RET: variants seen among roughly 807,000 people sequenced by gnomAD.
RET encodes the protein ret proto-oncogene.
In RET, 19 loss-of-function variants were observed where a neutral mutation model predicts 118.3. The observed-to-expected ratio is 0.16, with a 90% CI of 0.11 to 0.24. The LOEUF is 0.24. Ranked by LOEUF, RET falls within the 10% of genes least tolerant of loss-of-function variation. The pLI, the probability that RET is intolerant of heterozygous loss-of-function variation, is 1.00. For synonymous variants in RET, 597 were observed against 644.1 expected (o/e 0.93, Z 1.11); for missense variants, 1,219 against 1,502.1 (o/e 0.81, Z 3.12).
chr10:43,115,338 T>C (rs1344796769), intron 11 of RET, among the ~76,000 whole-genome samples: 3 of 152,188 alleles, frequency 2.0e-5, no homozygotes, highest in Non-Finnish European at 2.9e-5. Context: ...GCCCTGGCAG[T>C]TCCCATCTCA....
At position 43,114,591 on chromosome 10, in the gene RET, C is replaced by A. The variant is rs2132848989; in HGVS notation, c.1991C>A (p.Ala664Asp). The A allele has an allele frequency of 6.2e-7, 1 of 1,612,890 alleles. No homozygotes were observed. Among genetic ancestry groups the A allele is most frequent in the African/African-American group, 1.3e-5 (1 of 75,020 alleles). The change falls in exon 11 of 20, where the codon GCC becomes GAC. Residue 664 changes from alanine (A) to aspartate (D), a missense_variant. Ala to Asp is a moderately radical substitution (Grantham distance 126). Transcript: ENST00000355710. The surrounding 1 kb of genome is among the most constrained non-coding windows in gnomAD (Gnocchi z 4.6). ...TGCATCCACTGCTACCACAAGTTTG[C>A]CCACAAGCCACCCATCTCCTCAGCT... Reference protein sequence around the residue: ...AFCIHCYHKFAHKPPISSAEM... With the variant: ...AFCIHCYHKFDHKPPISSAEM...
chr10:43,125,620 C>T (rs989092357), intron 18 of RET, among the ~76,000 whole-genome samples: 2 of 152,186 alleles, frequency 1.3e-5, no homozygotes, highest in African/African-American at 4.8e-5. Context: ...GTGAGGTCTA[C>T]ACATTTTCAA....
chr10:43,081,046 C>T (rs1226579383), intron 1 of RET, among the ~76,000 whole-genome samples: 1 of 152,168 alleles, frequency 6.6e-6, no homozygotes, highest in African/African-American at 2.4e-5. Context: ...TTTTCCCATC[C>T]TCCAGGACAG....
At chr10:43,107,199 G>A (rs1013285780) in intron 5 of RET, among the ~76,000 whole-genome samples, 2 of 152,174 alleles carry the variant, frequency 1.3e-5, no homozygotes, top group African/African-American at 4.8e-5. Context: ...CCCAGGCCAT[G>A]AGTCCTTCAC....
chr10:43,103,713 G>T (rs1250834866), intron 3 of RET, among the ~76,000 whole-genome samples: 1 of 152,174 alleles, frequency 6.6e-6, no homozygotes, highest in East Asian at 1.9e-4. Flanking sequence ...GGAGCACTTG[G>T]TTTTTTGCAT....
chr10:43,097,361 G>C (rs74400468), intron 1 of RET, among the ~76,000 whole-genome samples: 6,448 of 152,246 alleles, frequency 0.042, 205 homozygotes, highest in East Asian at 0.12. Flanking sequence ...AAGGGCAAAT[G>C]GTTCTTATTG....
In RET at chr10:43,114,640, C is replaced by T. The variant is rs1336334127; in HGVS notation, c.2040C>T (p.Ala680=). Residue 680 remains alanine (A), a synonymous_variant, in exon 11 of 20, where the codon GCC becomes GCT. Transcript: ENST00000355710. This position sits in a 1 kb window ranked among gnomAD's most constrained non-coding sequence, Gnocchi z 4.6. ...CTGAGATGACCTTCCGGAGGCCCGC[C>T]CAGGCCTTCCCGGTCAGCTACTCCT... ...SSAEMTFRRP[A]QAFPVSYSSS... 1.2e-6 allele frequency: 2 copies of T among 1,613,062 alleles called. No homozygotes were observed. Among genetic ancestry groups the T allele is most frequent in the South Asian group, 1.1e-5 (1 of 91,072 alleles).
In RET at chr10:43,122,259, G is replaced by C. The variant is rs3026774; in HGVS notation, c.2801+243G>C. ...AAAGCTCCGGTAGAGCATGAGAGCC[G>C]AGCAGGTGGCCAGTAACCCAGCCTC... On this transcript the variant is annotated intron_variant, in intron 16 of 19. Transcript: ENST00000355710. 0.022 allele frequency among the ~76,000 whole-genome samples: 3,323 copies of C among 152,250 alleles called. 62 individuals are homozygous for C. The highest frequency in any genetic ancestry group is 0.048 in the Middle Eastern group (14 of 294).
intron 19 of RET, chr10:43,127,270 G>A (rs753110280): frequency 1.8e-4 from 195 of 1,070,644 alleles, no homozygotes; most frequent in Non-Finnish European, 2.1e-4. Context: ...CCTCCATCAG[G>A]GGTAGCGAGG....
rs777733752 is a variant in RET at position 43,105,067 on chromosome 10, C to T, written c.741C>T (p.Ala247=). Residue 247 remains alanine (A), a synonymous_variant, in exon 4 of 20, where the codon GCC becomes GCT. Coordinates refer to ENST00000355710, the MANE Select transcript of RET (RefSeq NM_020975.6). Reference sequence around the variant, plus strand: ...TGGTGGCCGTGTGCACCGTGCACGCCGGCGCGCGCGAGGAGGTGGTGATGG... The same window carrying T: ...TGGTGGCCGTGTGCACCGTGCACGCTGGCGCGCGCGAGGAGGTGGTGATGG... ...YELVAVCTVH[A]GAREEVVMVP... The T allele has an allele frequency of 2.2e-5, 35 of 1,610,106 alleles. No individual in the cohort carries two copies. Among genetic ancestry groups the T allele is most frequent in the Non-Finnish European group, 2.3e-5 (27 of 1,179,652 alleles).
Position 43,129,805 on chromosome 10 carries a change from G to C in RET, c.*1536G>C, listed in dbSNP as rs899181624. ...GTGTGCGCACACACCCAGAGGGAGA[G>C]TTTGAAAAATGCTTATTGGACACGT... On this transcript the variant is annotated 3_prime_UTR_variant, in exon 20 of 20. Transcript: ENST00000355710. 1 of 395,682 alleles carries C rather than the reference G, an allele frequency of 2.5e-6. No individual in the cohort carries two copies. Among genetic ancestry groups the C allele is most frequent in the South Asian group, 1.4e-4 (1 of 7,002 alleles). 24.5% of individuals were successfully genotyped at this position (395,682 alleles called of 1,614,324 possible).
chr10:43,082,194 T>C (rs1022752120), intron 1 of RET, among the ~76,000 whole-genome samples: 2 of 152,160 alleles, frequency 1.3e-5, no homozygotes, highest in Admixed American at 6.5e-5. Context: ...CAGCAAGCTG[T>C]CCTTGTTCCC....
Position 43,129,951 on chromosome 10 carries a change from G to A in RET, c.*1682G>A, listed in dbSNP as rs544885679. 1.0e-4 allele frequency: 41 copies of A among 398,984 alleles called. No individual in the cohort carries two copies. In the Middle Eastern group the frequency reaches 1.9e-3, roughly 18 times the overall value. 24.7% of individuals were successfully genotyped at this position (398,984 alleles called of 1,614,324 possible). A position where few individuals can be genotyped will look rare whatever the true frequency, so the allele number is the denominator to read the frequency against. On this transcript the variant is annotated 3_prime_UTR_variant, in exon 20 of 20. Transcript: ENST00000355710. ...CTTAATGATAGTCTTACTAAATGCA[G>A]AAATAAGAATAAACTTTCTCAAATT...
chr10:43,093,579 T>C (rs892618930), intron 1 of RET, among the ~76,000 whole-genome samples: 1 of 152,216 alleles, frequency 6.6e-6, no homozygotes. Flanking sequence ...AGTGAGCCAC[T>C]GCCACCATCT....
At chr10:43,086,220 C>T (rs942096583) in intron 1 of RET, among the ~76,000 whole-genome samples, 1 of 152,218 alleles carries the variant, frequency 6.6e-6, no homozygotes, top group East Asian at 1.9e-4. Context: ...TGGGAATCCT[C>T]ATGGTCCCTA....
intron 1 of RET, among the ~76,000 whole-genome samples, chr10:43,096,096 G>A (rs1393718971): frequency 6.6e-6 from 1 of 152,216 alleles, no homozygotes; most frequent in Non-Finnish European, 1.5e-5. Flanking sequence ...TGCTAGGTTT[G>A]AGGGAGGATT....
intron 12 of RET, among the ~76,000 whole-genome samples, chr10:43,117,856 T>C (rs375772533): frequency 2.0e-5 from 3 of 152,322 alleles, no homozygotes; most frequent in Middle Eastern, 3.4e-3. Context: ...TGTGAGCTGC[T>C]GACGTGTGTG....
At chr10:43,087,458 C>T (rs1289306304) in intron 1 of RET, among the ~76,000 whole-genome samples, 1 of 152,244 alleles carries the variant, frequency 6.6e-6, no homozygotes, top group East Asian at 1.9e-4. Flanking sequence ...CCGGTATATG[C>T]ACTGAGCTGT....
intron 2 of RET, among the ~76,000 whole-genome samples, chr10:43,101,223 C>T (rs1837635763): frequency 6.8e-6 from 1 of 146,926 alleles, no homozygotes. Context: ...GTCACGGCCA[C>T]ATGTGACATT....
Sources: gnomAD v4.1 joint callset for allele counts (sites outside exome capture counted in the v4.1 genomes callset) on GRCh38, gnomAD v4.1.1 for gene constraint, Gnocchi (gnomAD v3.1) non-coding constraint, MANE v1.5 for transcripts, NCBI Gene and HGNC (gene_info 2026-07-23, HGNC 2026-07-21) for gene names.